The following LRRTM4 variants were observed in gnomAD, a reference collection of about 807,000 sequenced individuals.
LRRTM4 encodes the protein leucine rich repeat transmembrane neuronal 4, also known as leucine-rich repeat transmembrane neuronal protein 4.
A neutral mutation model predicts 47.6 loss-of-function variants in LRRTM4; 25 were observed. The ratio of observed to expected loss-of-function variants is 0.53; its 90% confidence interval spans 0.38 to 0.73. The LOEUF is 0.73. Ranked by LOEUF, LRRTM4 falls within the 30% of genes least tolerant of loss-of-function variation. The probability of loss-of-function intolerance (pLI) is 0.00; values close to 1 mark genes in which losing one functional copy is unlikely to be tolerated. For missense variants in LRRTM4, 638 were observed against 713.4 expected (o/e 0.89, Z 1.20); for synonymous variants, 311 against 269.5 (o/e 1.15, Z -1.51).
chr2:77,431,564 C>G (rs1675377340), intron 3 of LRRTM4, among the ~76,000 whole-genome samples: 1 of 148,926 alleles, frequency 6.7e-6, no homozygotes, highest in Non-Finnish European at 1.5e-5. Context: ...ATAACTCACT[C>G]CAGCATCAAC....
chr2:77,270,153 A>G (rs1031879274), intron 3 of LRRTM4, among the ~76,000 whole-genome samples: 18 of 152,308 alleles, frequency 1.2e-4, no homozygotes, highest in Middle Eastern at 3.4e-3. Context: ...CCAAAGTAAA[A>G]ACCTCTACCT....
At chr2:76,892,785 G>A (rs554372923) in intron 3 of LRRTM4, among the ~76,000 whole-genome samples, 3 of 151,658 alleles carry the variant, frequency 2.0e-5, no homozygotes, top group Non-Finnish European at 4.4e-5. Flanking sequence ...GGGAAATGAA[G>A]TATGTATCAT....
intron 3 of LRRTM4, among the ~76,000 whole-genome samples, chr2:77,267,487 A>C (rs1263953531): frequency 6.6e-6 from 1 of 152,146 alleles, no homozygotes; most frequent in African/African-American, 2.4e-5. Context: ...CTCACTCCTG[A>C]AAGTTCTTTT....
intron 3 of LRRTM4, among the ~76,000 whole-genome samples, chr2:77,198,821 G>A (rs187347523): frequency 6.6e-5 from 10 of 152,258 alleles, no homozygotes; most frequent in African/African-American, 2.4e-4. Flanking sequence ...AACAGAGCCA[G>A]AGCAATCTCT....
chr2:77,170,850 A>T (rs1673028035), intron 3 of LRRTM4, among the ~76,000 whole-genome samples: 1 of 150,952 alleles, frequency 6.6e-6, no homozygotes, highest in African/African-American at 2.4e-5. Flanking sequence ...TTATATATAT[A>T]TATATACTTT....
chr2:77,439,470 C>T (rs1675747201), intron 3 of LRRTM4, among the ~76,000 whole-genome samples: 1 of 151,780 alleles, frequency 6.6e-6, no homozygotes, highest in Admixed American at 6.6e-5. Flanking sequence ...GCAAGAAAAG[C>T]TGAAACTATT....
chr2:77,073,629 A>G (rs1680236392), intron 3 of LRRTM4, among the ~76,000 whole-genome samples: 1 of 150,050 alleles, frequency 6.7e-6, no homozygotes, highest in South Asian at 2.1e-4. Flanking sequence ...CTGAATTTTC[A>G]TTTTTTCCAT....
intron 3 of LRRTM4, among the ~76,000 whole-genome samples, chr2:77,289,504 C>A (rs1307482810): frequency 6.6e-6 from 1 of 151,998 alleles, no homozygotes; most frequent in Admixed American, 6.6e-5. Flanking sequence ...CCATGGGCTT[C>A]AGAATGCACA....
chr2:77,509,057 C>A (rs929114635), intron 3 of LRRTM4, among the ~76,000 whole-genome samples: 2 of 151,872 alleles, frequency 1.3e-5, no homozygotes, highest in African/African-American at 4.8e-5. Context: ...CATGGTGAAA[C>A]CCTGTCTCTA....
At chr2:76,785,113 C>CA (rs1452883491) in intron 3 of LRRTM4, among the ~76,000 whole-genome samples, 1 of 152,064 alleles carries the variant, frequency 6.6e-6, no homozygotes, top group Non-Finnish European at 1.5e-5. Context: ...TATCTTGCTA[C>CA]ACCGATCTTG....
At chr2:77,414,745 T>G (rs1032013599) in intron 3 of LRRTM4, among the ~76,000 whole-genome samples, 2 of 152,166 alleles carry the variant, frequency 1.3e-5, no homozygotes, top group Non-Finnish European at 2.9e-5. Flanking sequence ...GAATTTATGT[T>G]TTAGTTTATG....
rs1041285905 is a variant in LRRTM4 at position 76,968,206 on chromosome 2, G to A, written c.1552-219290C>T. On this transcript the variant is annotated intron_variant, in intron 3 of 3. Transcript: ENST00000409884. ...ACATTCATAAAATCTGTTTAATTCA[G>A]TAATGATAATCAAATTAGTGTAAAT... Among the ~76,000 whole-genome samples the A allele has an allele frequency of 1.0e-4, 15 of 150,462 alleles. 1 individual carries two copies. Among genetic ancestry groups the A allele is most frequent in the African/African-American group, 3.4e-4 (14 of 41,070 alleles).
At chr2:77,491,862 T>A (rs1678176534) in intron 3 of LRRTM4, among the ~76,000 whole-genome samples, 2 of 151,892 alleles carry the variant, frequency 1.3e-5, no homozygotes, top group Admixed American at 1.3e-4. Flanking sequence ...AAAAGGCACA[T>A]TTTTGAAGAA....
At chr2:77,299,008 AAC>A (rs1311784152) in intron 3 of LRRTM4, among the ~76,000 whole-genome samples, 2 of 152,174 alleles carry the variant, frequency 1.3e-5, no homozygotes, top group Admixed American at 6.5e-5. Flanking sequence ...GTTTATATAA[AAC>A]ACAATACAAA....
At chr2:77,252,572 T>C (rs947338079) in intron 3 of LRRTM4, among the ~76,000 whole-genome samples, 2 of 152,132 alleles carry the variant, frequency 1.3e-5, no homozygotes, top group Admixed American at 1.3e-4. Flanking sequence ...TTTTGTTTCC[T>C]ACCTCATTTC....
rs142359327 is a variant in LRRTM4 at position 76,921,148 on chromosome 2, C to G, written c.1552-172232G>C. Among the ~76,000 whole-genome samples the G allele has an allele frequency of 5.5e-4, 84 of 152,206 alleles. 1 individual carries two copies. The South Asian group carries it at 0.017, about 31-fold the overall frequency. ...AGGATACAATCACACATTTAGTCAT[C>G]CAGCATTCTTAGGTGCTTCTTGGCT... On this transcript the variant is annotated intron_variant, in intron 3 of 3. Coordinates refer to ENST00000409884, the MANE Select transcript of LRRTM4 (RefSeq NM_001134745.3).
At chr2:76,879,296 G>A (rs1589114) in intron 3 of LRRTM4, among the ~76,000 whole-genome samples, 38,911 of 152,068 alleles carry the variant, frequency 0.26, 5,580 homozygotes, top group African/African-American at 0.38. Flanking sequence ...GCCGGAAAGG[G>A]TGACTCTCTT....
chr2:76,795,244 T>C (rs920165114), intron 3 of LRRTM4, among the ~76,000 whole-genome samples: 25 of 143,472 alleles, frequency 1.7e-4, no homozygotes, highest in African/African-American at 7.3e-4. Context: ...TTTTGTACTT[T>C]AAAAATCATT....
intron 3 of LRRTM4, among the ~76,000 whole-genome samples, chr2:76,808,052 C>T (rs923817693): frequency 7.1e-6 from 1 of 141,686 alleles, no homozygotes; most frequent in Non-Finnish European, 1.5e-5. Context: ...TTGTTTTGCT[C>T]TTGTTGCCCA....
Sources: gnomAD v4.1 joint callset for allele counts (sites outside exome capture counted in the v4.1 genomes callset) on GRCh38, gnomAD v4.1.1 for gene constraint, MANE v1.5 for transcripts, NCBI Gene and HGNC (gene_info 2026-07-23, HGNC 2026-07-21) for gene names.